The following RNF169 variants were observed in gnomAD, a reference collection of about 807,000 sequenced individuals.
RNF169 encodes ring finger protein 169.
Under a neutral mutation model 53.9 loss-of-function variants are expected in RNF169, and 24 were observed. That is an observed-to-expected ratio of 0.45 (90% confidence interval 0.32 to 0.63). The LOEUF is 0.63. Among genes scored for constraint, RNF169 ranks in the 20% least tolerant of loss-of-function variants. The pLI is 0.04. For missense variants in RNF169, 883 were observed against 906.2 expected (o/e 0.97, Z 0.33); for synonymous variants, 396 against 363.5 (o/e 1.09, Z -1.02).
intron 2 of RNF169, among the ~76,000 whole-genome samples, chr11:74,798,137 A>G (rs2035675785): frequency 6.6e-6 from 1 of 152,206 alleles, no homozygotes; most frequent in Admixed American, 6.5e-5. Context: ...ACAATATGAA[A>G]TCTGGGCACC....
chr11:74,767,436 C>T (rs1192556724), intron 1 of RNF169, among the ~76,000 whole-genome samples: 1 of 152,078 alleles, frequency 6.6e-6, no homozygotes, highest in African/African-American at 2.4e-5. Flanking sequence ...GACAGAGTCT[C>T]ACTCTGTCAC....
At chr11:74,756,778 C>A (rs1445713130) in intron 1 of RNF169, among the ~76,000 whole-genome samples, 2 of 152,066 alleles carry the variant, frequency 1.3e-5, no homozygotes, top group Non-Finnish European at 2.9e-5. Context: ...CAGAAATTGG[C>A]AGTTGCTGAA....
Position 74,810,449 on chromosome 11 carries a change from G to A in RNF169, c.723+119G>A, listed in dbSNP as rs1193307083. ...GAGACCAGTAACAGTCAGTGACTGT[G>A]CAGCTTAAGAGTAGTGAAGAACTTA... On this transcript the variant is annotated intron_variant, in intron 3 of 5. Coordinates refer to ENST00000299563, the MANE Select transcript of RNF169 (RefSeq NM_001098638.2). 5.4e-6 allele frequency: 5 copies of A among 922,332 alleles called. No homozygotes were observed. The East Asian group carries it at 9.6e-5, about 18-fold the overall frequency. 57.1% of individuals were successfully genotyped at this position (922,332 alleles called of 1,614,324 possible).
intron 4 of RNF169, among the ~76,000 whole-genome samples, chr11:74,826,308 A>C (rs1293044753): frequency 6.6e-6 from 1 of 152,174 alleles, no homozygotes; most frequent in Non-Finnish European, 1.5e-5. Flanking sequence ...CCTGGGTGAC[A>C]GAGCAAGATC....
intron 2 of RNF169, among the ~76,000 whole-genome samples, chr11:74,808,368 G>C (rs932171151): frequency 6.6e-6 from 1 of 152,152 alleles, no homozygotes; most frequent in African/African-American, 2.4e-5. Context: ...CAATATTTAT[G>C]TATATATTGG....
intron 1 of RNF169, among the ~76,000 whole-genome samples, chr11:74,763,242 G>A (rs1388666461): frequency 1.3e-5 from 2 of 152,266 alleles, no homozygotes; most frequent in East Asian, 1.9e-4. Flanking sequence ...ACTCTGAGAG[G>A]TACGTCCATA....
At chr11:74,827,936 C>T (rs2036123085) in intron 4 of RNF169, among the ~76,000 whole-genome samples, 1 of 152,108 alleles carries the variant, frequency 6.6e-6, no homozygotes. Context: ...ACAAGGATGC[C>T]CTCTCTCACC....
chr11:74,764,467 A>G (rs1284575858), intron 1 of RNF169, among the ~76,000 whole-genome samples: 3 of 152,182 alleles, frequency 2.0e-5, no homozygotes, highest in African/African-American at 7.2e-5. Flanking sequence ...GGTGAGCCAA[A>G]ATCCTACCAT....
At chr11:74,819,065 C>G (rs1486261541) in intron 4 of RNF169, among the ~76,000 whole-genome samples, 1 of 151,022 alleles carries the variant, frequency 6.6e-6, no homozygotes, top group Non-Finnish European at 1.5e-5. Flanking sequence ...AGTCTTCTTT[C>G]CAGTTTTTTT....
At chr11:74,817,521 A>T (rs1157500827) in intron 3 of RNF169, 75 bp from the exon 4 acceptor site, 25 of 892,592 alleles carry the variant, frequency 2.8e-5, no homozygotes, top group Non-Finnish European at 4.4e-5. Flanking sequence ...AGAGAAAGAG[A>T]TTTGAACCTA....
chr11:74,769,807 G>T (rs2035233184), intron 1 of RNF169, among the ~76,000 whole-genome samples: 1 of 152,128 alleles, frequency 6.6e-6, no homozygotes, highest in Non-Finnish European at 1.5e-5. Flanking sequence ...TACTCTCCTT[G>T]TACCCCCCAA....
chr11:74,790,989 C>T (rs970271800), intron 2 of RNF169, among the ~76,000 whole-genome samples: 6 of 152,212 alleles, frequency 3.9e-5, no homozygotes, highest in Admixed American at 6.5e-5. Context: ...TGCCATTCGG[C>T]GGGTCCCAAG....
At chr11:74,756,039 C>T (rs1427331440) in intron 1 of RNF169, among the ~76,000 whole-genome samples, 1 of 152,030 alleles carries the variant, frequency 6.6e-6, no homozygotes, top group Non-Finnish European at 1.5e-5. Context: ...CGTTAGGGGA[C>T]TGTTTTAGTA....
chr11:74,836,084 C>A lies in RNF169; in HGVS notation c.1481C>A (p.Thr494Asn), dbSNP rs774251667. The A allele has an allele frequency of 6.2e-7, 1 of 1,614,184 alleles. No homozygotes were observed. The highest frequency in any genetic ancestry group is 8.5e-7 in the Non-Finnish European group (1 of 1,180,026). Residue 494 changes from threonine to asparagine, a missense_variant, in exon 6 of 6, where the codon ACT becomes AAT. Coordinates refer to ENST00000299563, the MANE Select transcript of RNF169 (RefSeq NM_001098638.2). ...GGTGGGCAGGTCCTCTCTGAGTATA[C>A]TGGACCCACCTCTGCTGATCTTGAT... The part of the protein sequence containing the change: ...LSGGQVLSEY[T>N]GPTSADLDHF...
At chr11:74,767,609 G>A (rs1447741664) in intron 1 of RNF169, among the ~76,000 whole-genome samples, 4 of 151,260 alleles carry the variant, frequency 2.6e-5, no homozygotes, top group South Asian at 2.1e-4. Context: ...TCGCTCTGTC[G>A]CCCAGGCTGG....
rs756724052 is a variant in RNF169 at position 74,835,889 on chromosome 11, G to T, written c.1286G>T (p.Arg429Leu). 1 of 1,614,112 alleles carries T rather than the reference G, an allele frequency of 6.2e-7. No individual in the cohort carries two copies. Among genetic ancestry groups the T allele is most frequent in the African/African-American group, 1.3e-5 (1 of 75,032 alleles). Residue 429 changes from arginine (R) to leucine (L), a missense_variant, in exon 6 of 6, where the codon CGG (arginine) becomes CTG (leucine). Coordinates refer to ENST00000299563, the MANE Select transcript of RNF169 (RefSeq NM_001098638.2). ...CAGACTTCTTATGAGGCCAGTCCAC[G>T]GATCCTCAAAAAGTGGGAACAGATC... ...QKQTSYEASP[R>L]ILKKWEQIFQ...
At chr11:74,829,190 T>C (rs562346725) in intron 4 of RNF169, among the ~76,000 whole-genome samples, 5 of 152,132 alleles carry the variant, frequency 3.3e-5, no homozygotes, top group South Asian at 4.2e-4. Flanking sequence ...AAAGGATGAA[T>C]AGACACTTCT....
At chr11:74,826,322 C>T (rs2036096566) in intron 4 of RNF169, among the ~76,000 whole-genome samples, 1 of 152,080 alleles carries the variant, frequency 6.6e-6, no homozygotes, top group Non-Finnish European at 1.5e-5. Flanking sequence ...CAAGATCCCA[C>T]CTCATAAATA....
In RNF169 at chr11:74,785,285, A is replaced by G. The variant is rs957810314; in HGVS notation, c.503-4341A>G. On this transcript the variant is annotated intron_variant, in intron 1 of 5. Transcript: ENST00000299563. ...TATGTTATATATATTAGATATATAT[A>G]TGTTATATATATTAGAGATATATAT... Among the ~76,000 whole-genome samples, 14 of 144,380 alleles carry G rather than the reference A, an allele frequency of 9.7e-5. No individual in the cohort carries two copies. The Admixed American group carries it at 1.0e-3, about 10-fold the overall frequency. The allele number at this position is 144,380 out of a possible 152,430, so 94.7% of individuals were successfully genotyped here.
Sources: gnomAD v4.1 joint callset for allele counts (sites outside exome capture counted in the v4.1 genomes callset) on GRCh38, gnomAD v4.1.1 for gene constraint, MANE v1.5 for transcripts, NCBI Gene and HGNC (gene_info 2026-07-23, HGNC 2026-07-21) for gene names.